DNAJC1: variants seen among roughly 807,000 people sequenced by gnomAD.
The protein encoded by DNAJC1 is dnaJ homolog subfamily C member 1.
A neutral mutation model predicts 76.6 loss-of-function variants in DNAJC1; 58 were observed. The observed-to-expected ratio is 0.76, with a 90% CI of 0.61 to 0.94. The LOEUF (loss-of-function observed/expected upper bound fraction) is 0.94, where lower values mean the gene tolerates loss of function less well. Among genes scored for constraint, DNAJC1 ranks in the 40% least tolerant of loss-of-function variants. The pLI is 0.00. For missense variants in DNAJC1, 689 were observed against 677.3 expected (o/e 1.02, Z -0.19); for synonymous variants, 258 against 267.9 (o/e 0.96, Z 0.36).
chr10:21,990,217 T>C (rs1318966616), intron 1 of DNAJC1, among the ~76,000 whole-genome samples: 1 of 152,192 alleles, frequency 6.6e-6, no homozygotes, highest in Non-Finnish European at 1.5e-5. Context: ...TTGCTGACTT[T>C]GATAAACCCT....
intron 9 of DNAJC1, among the ~76,000 whole-genome samples, chr10:21,799,508 G>A (rs1242787767): frequency 1.3e-5 from 2 of 152,044 alleles, no homozygotes; most frequent in East Asian, 1.9e-4. Flanking sequence ...TCCCTATGTC[G>A]CCCAGGCTGG....
At chr10:21,792,942 G>C (rs1164619440) in intron 9 of DNAJC1, among the ~76,000 whole-genome samples, 2 of 151,998 alleles carry the variant, frequency 1.3e-5, no homozygotes, top group African/African-American at 2.4e-5. Flanking sequence ...AAAATCATGT[G>C]ACAAAATCCA....
chr10:21,988,970 T>C (rs1414083629), intron 1 of DNAJC1, among the ~76,000 whole-genome samples: 1 of 152,188 alleles, frequency 6.6e-6, no homozygotes, highest in Non-Finnish European at 1.5e-5. Context: ...TATGTCATTC[T>C]GAGATAATGG....
intron 6 of DNAJC1, among the ~76,000 whole-genome samples, chr10:21,911,009 GAGAA>G (rs1161352603): frequency 6.7e-6 from 1 of 149,404 alleles, no homozygotes; most frequent in Non-Finnish European, 1.5e-5. Flanking sequence ...GAGAAAGAAA[GAGAA>G]AGAGAAAAAG....
chr10:21,870,147 A>G (rs1406968371), intron 8 of DNAJC1, among the ~76,000 whole-genome samples: 2 of 152,064 alleles, frequency 1.3e-5, no homozygotes, highest in Non-Finnish European at 1.5e-5. Flanking sequence ...TTAATGCCAG[A>G]AAATCAATTG....
intron 9 of DNAJC1, among the ~76,000 whole-genome samples, chr10:21,792,869 T>C: frequency 6.6e-6 from 1 of 152,052 alleles, no homozygotes; most frequent in East Asian, 1.9e-4. Context: ...GATCAATTTA[T>C]ATACTATGCC....
rs773835384 is a variant in DNAJC1 at position 21,920,864 on chromosome 10, G to C, written c.471C>G (p.Leu157=). 3.7e-6 allele frequency: 6 copies of C among 1,613,018 alleles called. No homozygotes were observed. The highest frequency in any genetic ancestry group is 1.3e-5 in the African/African-American group (1 of 74,852). ...GACCCACTGTGAGAATAATGAACAAGAGTAATGCCAGCTCAGCATTGCTCA... is the reference window on the plus strand; with the variant it reads ...GACCCACTGTGAGAATAATGAACAACAGTAATGCCAGCTCAGCATTGCTCA... The part of the protein sequence containing the change: ...RKMSNAELAL[L]LFIILTVGHY... Residue 157 remains leucine (L), a synonymous_variant, in exon 4 of 12, where the codon CTC becomes CTG. Transcript: ENST00000376980.
chr10:21,849,720 AT>A (rs1224746630), intron 8 of DNAJC1, among the ~76,000 whole-genome samples: 5 of 152,210 alleles, frequency 3.3e-5, no homozygotes, highest in African/African-American at 7.2e-5. Context: ...CATCAAAAAA[AT>A]ATTAGCAACC....
intron 6 of DNAJC1, 54 bp from the exon 7 acceptor site, chr10:21,904,666 A>C (rs1836714430): frequency 8.9e-7 from 1 of 1,117,938 alleles, no homozygotes; most frequent in Non-Finnish European, 1.3e-6. Context: ...TGCTTCAATA[A>C]TATTTTCCAT....
At chr10:22,001,730 G>A (rs1358572523) in intron 1 of DNAJC1, among the ~76,000 whole-genome samples, 1 of 152,100 alleles carries the variant, frequency 6.6e-6, no homozygotes, top group East Asian at 1.9e-4. Context: ...ATGAATAACT[G>A]GATCTTCAAG....
intron 1 of DNAJC1, among the ~76,000 whole-genome samples, chr10:21,936,170 C>A (rs190218743): frequency 1.3e-5 from 2 of 152,246 alleles, no homozygotes; most frequent in Admixed American, 1.3e-4. Context: ...AAAGATGTCC[C>A]ATAGAGCTGT....
chr10:21,783,420 G>T (rs1834559865), intron 9 of DNAJC1, among the ~76,000 whole-genome samples: 2 of 152,116 alleles, frequency 1.3e-5, no homozygotes, highest in African/African-American at 2.4e-5. Context: ...ACAAATGAAA[G>T]AACATTCCAT....
chr10:21,899,840 T>C (rs1368528093), intron 7 of DNAJC1, among the ~76,000 whole-genome samples: 1 of 152,170 alleles, frequency 6.6e-6, no homozygotes, highest in Non-Finnish European at 1.5e-5. Flanking sequence ...AACTCAAAGC[T>C]GAGTCTGCTG....
intron 6 of DNAJC1, among the ~76,000 whole-genome samples, chr10:21,909,821 T>G (rs1455193164): frequency 6.6e-6 from 1 of 152,208 alleles, no homozygotes; most frequent in Non-Finnish European, 1.5e-5. Flanking sequence ...AAGAAGGTGG[T>G]GAACACATCA....
At chr10:21,860,724 A>AACAG (rs1211663496) in intron 8 of DNAJC1, 2 of 165,830 alleles carry the variant, frequency 1.2e-5, no homozygotes, top group African/African-American at 4.8e-5. Context: ...CAAACAAACA[A>AACAG]ACAAACAAAC....
intron 1 of DNAJC1, among the ~76,000 whole-genome samples, chr10:21,957,893 C>T (rs934965600): frequency 1.4e-4 from 21 of 152,048 alleles, no homozygotes; most frequent in African/African-American, 4.8e-5. Flanking sequence ...CATTAAGTGA[C>T]GGCAAACTTA....
rs1000377977 is a variant in DNAJC1, at chr10:21,779,443, C to T, written c.1099-13134G>A. 3.3e-5 allele frequency among the ~76,000 whole-genome samples: 5 copies of T among 152,320 alleles called. No homozygotes were observed. In the East Asian group the frequency reaches 5.8e-4, roughly 18 times the overall value. ...AGCAACATTTGCTGTTCTGCAATAT[C>T]CGCTGTTCTGCAGCCTCTGCTGGTG... On this transcript the variant is annotated intron_variant, in intron 9 of 11. Coordinates refer to ENST00000376980, the MANE Select transcript of DNAJC1 (RefSeq NM_022365.4).
chr10:21,830,265 T>C (rs1336012009), intron 8 of DNAJC1, among the ~76,000 whole-genome samples: 1 of 152,240 alleles, frequency 6.6e-6, no homozygotes, highest in Non-Finnish European at 1.5e-5. Context: ...CATCCTTAAG[T>C]AGACTTCATG....
At chr10:21,777,196 G>T (rs910981627) in intron 9 of DNAJC1, among the ~76,000 whole-genome samples, 16 of 152,108 alleles carry the variant, frequency 1.1e-4, no homozygotes, top group African/African-American at 3.9e-4. Context: ...TAGATACAGG[G>T]TTTAAAGTAG....
Sources: allele counts gnomAD v4.1 joint callset (sites outside exome capture counted in the v4.1 genomes callset), GRCh38; gene constraint gnomAD v4.1.1; transcripts MANE v1.5; gene names NCBI Gene and HGNC (gene_info 2026-07-23, HGNC 2026-07-21).